The following SLC5A10 variants were observed in gnomAD, a reference collection of about 807,000 sequenced individuals.
SLC5A10 encodes the protein solute carrier family 5 member 10, also known as sodium/mannose cotransporter SLC5A10.
A neutral mutation model predicts 68.9 loss-of-function variants in SLC5A10; 55 were observed. The observed-to-expected ratio is 0.80, with a 90% CI of 0.64 to 1.00. The LOEUF is 1.00. Among genes scored for constraint, SLC5A10 ranks in the 50% least tolerant of loss-of-function variants. The probability of loss-of-function intolerance (pLI) is 0.00; values close to 1 mark genes in which losing one functional copy is unlikely to be tolerated. For missense variants in SLC5A10, 732 were observed against 819.3 expected, an observed-to-expected ratio of 0.89 and a Z score of 1.30; for synonymous variants, 344 against 344.8, an observed-to-expected ratio of 1.00 and a Z score of 0.02.
At chr17:18,992,241 A>G (rs1761297312) in intron 9 of SLC5A10, among the ~76,000 whole-genome samples, 1 of 152,036 alleles carries the variant, frequency 6.6e-6, no homozygotes, top group Non-Finnish European at 1.5e-5. Flanking sequence ...TGTGTCTCGA[A>G]TCCCCCACCT....
intron 5 of SLC5A10, among the ~76,000 whole-genome samples, chr17:18,967,457 A>G (rs747491436): frequency 1.3e-5 from 2 of 152,218 alleles, no homozygotes; most frequent in Non-Finnish European, 2.9e-5. Context: ...GGGATGTTCC[A>G]GGGCAGAGGG....
At chr17:18,991,157 C>G (rs1006008294) in intron 9 of SLC5A10, among the ~76,000 whole-genome samples, 2 of 152,224 alleles carry the variant, frequency 1.3e-5, no homozygotes, top group Non-Finnish European at 2.9e-5. Flanking sequence ...GTTGGGAGGC[C>G]CAGCTCACTT....
In SLC5A10 at chr17:18,978,397, G is replaced by T. The variant is rs746619261; in HGVS notation, c.982+1408G>T. On this transcript the variant is annotated intron_variant, in intron 9 of 14. Coordinates refer to ENST00000395645, the MANE Select transcript of SLC5A10 (RefSeq NM_001042450.4). Reference sequence around the variant, plus strand: ...TGATATTGATGTAGCCCAGGATGTCGCTGCCAGGCTCCGGGTCTGGCTCCA... The same window carrying T: ...TGATATTGATGTAGCCCAGGATGTCTCTGCCAGGCTCCGGGTCTGGCTCCA... The T allele has an allele frequency of 6.9e-6, 11 of 1,590,048 alleles. No individual in the cohort carries two copies. In the East Asian group the frequency reaches 2.5e-4, roughly 36 times the overall value.
At chr17:18,988,826 C>T (rs1007770891) in intron 9 of SLC5A10, among the ~76,000 whole-genome samples, 7 of 152,232 alleles carry the variant, frequency 4.6e-5, no homozygotes, top group African/African-American at 1.7e-4. Context: ...AGATCTCTTC[C>T]TGTCAGCTGA....
rs764660475 is a variant in SLC5A10 at position 19,015,090 on chromosome 17, A to G, written c.1132A>G (p.Met378Val). 13 of 1,613,780 alleles carry G rather than the reference A, an allele frequency of 8.1e-6. No individual in the cohort carries two copies. The highest frequency in any genetic ancestry group is 1.0e-5 in the Non-Finnish European group (12 of 1,179,818). ...GATCGCAGTGATGCTGGCGGCGCTC[A>G]TGTCGTCGCTGACCTCCATCTTCAA... ...LMIAVMLAAL[M>V]SSLTSIFNSS... is the part of the protein sequence containing the mutation. The change falls in exon 11 of 15, where the codon ATG becomes GTG. Residue 378 changes from methionine (M) to valine (V), a missense_variant. Physicochemically the swap from Met to Val is conservative, Grantham distance 21 (BLOSUM62 1). Transcript: ENST00000395645.
intron 9 of SLC5A10, among the ~76,000 whole-genome samples, chr17:18,984,458 G>A (rs535216970): frequency 2.8e-4 from 42 of 152,320 alleles, no homozygotes; most frequent in Middle Eastern, 6.8e-3. Context: ...CTGGGCAGCG[G>A]AAGGGCTGGG....
In SLC5A10 at chr17:18,968,947, A is replaced by C. The variant is rs1051125009; in HGVS notation, c.454-105A>C. 1.8e-6 allele frequency: 2 copies of C among 1,095,408 alleles called. No individual in the cohort carries two copies. The highest frequency in any genetic ancestry group is 5.3e-5 in the Admixed American group (2 of 38,048). The allele number at this position is 1,095,408 out of a possible 1,614,324, so 67.9% of individuals were successfully genotyped here. ...GAGTGGGGGTCTCCCCTCCTTATCC[A>C]CAGGCCACCGAGGCCCAGAGAGGGC... On this transcript the variant is annotated intron_variant, in intron 5 of 14. Coordinates refer to ENST00000395645, the MANE Select transcript of SLC5A10 (RefSeq NM_001042450.4). This position sits in a 1 kb window ranked among gnomAD's most constrained non-coding sequence, Gnocchi z 4.1.
Position 19,022,177 on chromosome 17 carries a change from T to G in SLC5A10, c.*1746T>G. ...AAGAGGAGGTGGTTAGTAGGGTGCC[T>G]TCAGAAGCCCTGCAACCCACCCTCC... On this transcript the variant is annotated 3_prime_UTR_variant, in exon 15 of 15. Coordinates refer to ENST00000395645, the MANE Select transcript of SLC5A10 (RefSeq NM_001042450.4). 1 of 1,290,242 alleles carries G rather than the reference T, an allele frequency of 7.8e-7. No individual in the cohort carries two copies. The allele number at this position is 1,290,242 out of a possible 1,614,324, so 79.9% of individuals were successfully genotyped here.
chr17:18,971,324 C>T lies in SLC5A10; in HGVS notation c.846+106C>T, dbSNP rs200567364. ...TCCGCGTCATGAGTCTGGGCTGGGG[C>T]CTCAGAAGGTGTGGCTCCAGGCTGG... On this transcript the variant is annotated intron_variant, in intron 8 of 14. Transcript: ENST00000395645. The surrounding 1 kb of genome is among the most constrained non-coding windows in gnomAD (Gnocchi z 5.5). 7.0e-5 allele frequency: 112 copies of T among 1,606,466 alleles called. No homozygotes were observed. The highest frequency in any genetic ancestry group is 3.2e-4 in the Admixed American group (19 of 59,724).
At chr17:18,983,367 T>C (rs755246124) in intron 9 of SLC5A10, among the ~76,000 whole-genome samples, 2 of 152,182 alleles carry the variant, frequency 1.3e-5, no homozygotes, top group African/African-American at 2.4e-5. Flanking sequence ...CAGTGAGCCA[T>C]GTAGGCAGCA....
upstream of SLC5A10, among the ~76,000 whole-genome samples, chr17:18,951,410 C>T (rs999212698): frequency 3.9e-5 from 6 of 152,288 alleles, no homozygotes; most frequent in African/African-American, 1.4e-4. Context: ...TGCGTGGCTG[C>T]TGTGAGCGTG....
chr17:18,959,532 A>G (rs1664731480), intron 3 of SLC5A10, 72 bp from the exon 4 acceptor site: 3 of 1,533,194 alleles, frequency 2.0e-6, no homozygotes, highest in Admixed American at 1.7e-5. Flanking sequence ...CATCCCAGCC[A>G]TGTCTGCTTT....
At chr17:18,994,689 T>C (rs1310780818) in intron 9 of SLC5A10, among the ~76,000 whole-genome samples, 1 of 151,308 alleles carries the variant, frequency 6.6e-6, no homozygotes, top group South Asian at 2.1e-4. Context: ...GCAGGGGGTG[T>C]CCTCAGAAGG....
chr17:18,987,570 G>A (rs944448672), intron 9 of SLC5A10, among the ~76,000 whole-genome samples: 2 of 152,202 alleles, frequency 1.3e-5, no homozygotes, highest in Admixed American at 6.5e-5. Context: ...AGAGAAGGGA[G>A]GTGACATGCC....
intron 9 of SLC5A10, among the ~76,000 whole-genome samples, chr17:19,010,577 T>G (rs557477431): frequency 6.6e-6 from 1 of 152,312 alleles, no homozygotes; most frequent in South Asian, 2.1e-4. Context: ...CCAGTGGGAC[T>G]CGGGGCGGTT....
In SLC5A10 at chr17:19,003,679, G is replaced by C. The variant is rs890948906; in HGVS notation, c.983-9731G>C. 6.2e-7 allele frequency: 1 copy of C among 1,610,916 alleles called. No homozygotes were observed. Among genetic ancestry groups the C allele is most frequent in the Non-Finnish European group, 8.5e-7 (1 of 1,178,912 alleles). ...GCGGGATGGAGCGGTCCGACTTCTG[G>C]GGCCAGTACTCCAGGGAGGGCAGCG... On this transcript the variant is annotated intron_variant, in intron 9 of 14. Transcript: ENST00000395645. This position sits in a 1 kb window ranked among gnomAD's most constrained non-coding sequence, Gnocchi z 4.5.
chr17:18,977,768 T>C, intron 9 of SLC5A10: 1 of 1,603,746 alleles, frequency 6.2e-7, no homozygotes, highest in South Asian at 1.1e-5. Flanking sequence ...TTGCTCTGAG[T>C]GGCGCCTCCG....
Position 19,015,206 on chromosome 17 carries a change from G to GGGGGGGGGCC in SLC5A10, c.1241+9_1241+10insGGGGGGCCGG. 1.4e-6 allele frequency: 2 copies of GGGGGGGGGCC among 1,469,322 alleles called. No homozygotes were observed. 91.0% of individuals were successfully genotyped at this position (1,469,322 alleles called of 1,614,324 possible). A position where few individuals can be genotyped will look rare whatever the true frequency, so the allele number is the denominator to read the frequency against. On this transcript the variant is annotated splice_region_variant and intron_variant, in intron 11 of 14. Transcript: ENST00000395645. ...AGCTCCTGCTGGTGGGACGGTACGG[G>GGGGGGGGGCC]GGTGGGGGCCAGTACGGGGGTGGGG...
chr17:19,006,920 T>C (rs975810820), intron 9 of SLC5A10, among the ~76,000 whole-genome samples: 1 of 152,236 alleles, frequency 6.6e-6, no homozygotes, highest in African/African-American at 2.4e-5. Flanking sequence ...ACAGTTTGCT[T>C]AACCATTTCA....
Sources: allele counts gnomAD v4.1 joint callset (sites outside exome capture counted in the v4.1 genomes callset), GRCh38; gene constraint gnomAD v4.1.1; non-coding constraint Gnocchi (gnomAD v3.1); transcripts MANE v1.5; gene names NCBI Gene and HGNC (gene_info 2026-07-23, HGNC 2026-07-21).